Variants in RANBP1 observed in about 807,000 individuals in gnomAD.
RANBP1 encodes ran-specific GTPase-activating protein.
In RANBP1, 16 loss-of-function variants were observed where a neutral mutation model predicts 31.4. The observed-to-expected ratio is 0.51, with a 90% CI of 0.34 to 0.77. The LOEUF (loss-of-function observed/expected upper bound fraction) is 0.77, where lower values mean the gene tolerates loss of function less well. RANBP1 is among the 30% of genes least tolerant of loss of function. The pLI is 0.01. For missense variants in RANBP1, 265 were observed against 362.0 expected (o/e 0.73, Z 2.17); for synonymous variants, 129 against 140.5 (o/e 0.92, Z 0.58).
At chr22:20,116,680 T>C (rs2050033489) in intron 1 of RANBP1, 1 of 1,494,776 alleles carries the variant, frequency 6.7e-7, no homozygotes, top group African/African-American at 1.4e-5. Context: ...CCAAGCTTCC[T>C]TATGGGACAC....
chr22:20,118,951 T>C, intron 1 of RANBP1, 62 bp from the exon 2 acceptor site: 2 of 1,564,702 alleles, frequency 1.3e-6, no homozygotes, highest in Non-Finnish European at 1.7e-6. Flanking sequence ...CAGGCACTGG[T>C]TGGGCTCTGG....
chr22:20,122,244 CCT>C lies in RANBP1; in HGVS notation c.384-18_384-17del, dbSNP rs1568981782. On this transcript the variant is annotated intron_variant, in intron 2 of 5. Transcript: ENST00000430524. ...GTGGGCTGCAGGTCTGCACTCTTAA[CCT>C]CACGGCTTTTCTTGCAGGCGGGCAA... The C allele has an allele frequency of 6.2e-7, 1 of 1,611,290 alleles. No homozygotes were observed. Among genetic ancestry groups the C allele is most frequent in the South Asian group, 1.1e-5 (1 of 90,922 alleles).
Position 20,127,194 on chromosome 22 carries a change from GT to G in RANBP1, c.*154del, listed in dbSNP as rs143470990. 0.24 allele frequency: 104,038 copies of G among 437,756 alleles called. 5,754 individuals carry two copies. The highest frequency in any genetic ancestry group is 0.31 in the African/African-American group (14,412 of 46,298). 27.1% of individuals were successfully genotyped at this position (437,756 alleles called of 1,614,324 possible). ...AAGAACTGAACTCAACATTCAGGTT[GT>G]TTTTTTTTTTTGTTTCTAAGTTTTT... On this transcript the variant is annotated 3_prime_UTR_variant, in exon 6 of 6. Coordinates refer to ENST00000430524, the MANE Select transcript of RANBP1 (RefSeq NM_001278639.2).
Position 20,119,003 on chromosome 22 carries a change from A to T in RANBP1, c.247-10A>T, listed in dbSNP as rs747883517. ...TAGGCCAGCAGTGTAACCTCTTTGT[A>T]TCTCCACAGGACACTCATGAGGACC... On this transcript the variant is annotated splice_polypyrimidine_tract_variant and intron_variant, in intron 1 of 5. Coordinates refer to ENST00000430524, the MANE Select transcript of RANBP1 (RefSeq NM_001278639.2). 3 of 1,610,578 alleles carry T rather than the reference A, an allele frequency of 1.9e-6. No individual in the cohort carries two copies. Among genetic ancestry groups the T allele is most frequent in the Non-Finnish European group, 2.5e-6 (3 of 1,179,438 alleles).
At chr22:20,123,638 A>T (rs1437600939) in intron 3 of RANBP1, among the ~76,000 whole-genome samples, 2 of 151,932 alleles carry the variant, frequency 1.3e-5, no homozygotes, top group Non-Finnish European at 2.9e-5. Context: ...GGGGCTGAGA[A>T]GGTGGCCAGG....
rs759605332 is a variant in RANBP1 at position 20,116,327 on chromosome 22, TG to T, written c.145del (p.Val49PhefsTer17). On this transcript the variant is annotated frameshift_variant, in exon 1 of 6. Coordinates refer to ENST00000430524, the MANE Select transcript of RANBP1 (RefSeq NM_001278639.2). LOFTEE classifies it high-confidence loss of function. The part of the protein sequence containing the change: ...TKAQGGCPKS[L>X]VLWGCRPKRP... ...GCGCAGGGTGGTTGCCCAAAGAGTT[TG>T]GTTTTGTGGGGCTGCAGACCAAAGC... The T allele has an allele frequency of 6.2e-7, 1 of 1,612,868 alleles. No homozygotes were observed. The highest frequency in any genetic ancestry group is 8.5e-7 in the Non-Finnish European group (1 of 1,180,002).
intron 3 of RANBP1, chr22:20,122,650 G>A (rs1305235394): frequency 1.7e-5 from 25 of 1,492,720 alleles, no homozygotes; most frequent in Non-Finnish European, 2.0e-5. Flanking sequence ...TCAGCCAGAC[G>A]GGCCCTGATG....
chr22:20,122,721 TG>T (rs748635421), intron 3 of RANBP1: 9,045 of 875,168 alleles, frequency 0.01, 56 homozygotes, highest in Non-Finnish European at 0.012. Context: ...GGCGAGGGGG[TG>T]CTGTGTGTGT....
At position 20,125,312 on chromosome 22, in the gene RANBP1, G is replaced by A. The variant is rs751882133; in HGVS notation, c.546G>A (p.Thr182=). 9.3e-6 allele frequency: 15 copies of A among 1,611,476 alleles called. No homozygotes were observed. Among genetic ancestry groups the A allele is most frequent in the Non-Finnish European group, 1.2e-5 (14 of 1,179,840 alleles). Residue 182 remains threonine, a synonymous_variant, in exon 4 of 6, where the codon ACG becomes ACA. Coordinates refer to ENST00000430524, the MANE Select transcript of RANBP1 (RefSeq NM_001278639.2). ...TLKICANHYI[T]PMMELKPNAG... ...CACGAGCTTCTCTCTCTTCAGTCAC[G>A]CCGATGATGGAGCTGAAGCCCAACG... is the stretch of plus-strand genomic sequence containing the variant.
intron 4 of RANBP1, chr22:20,125,714 C>T: frequency 7.9e-7 from 1 of 1,271,916 alleles, no homozygotes; most frequent in Non-Finnish European, 1.0e-6. Flanking sequence ...GCTCTCCAAG[C>T]TCCGGTTCCC....
At chr22:20,116,822 G>A in intron 1 of RANBP1, 1 of 1,408,404 alleles carries the variant, frequency 7.1e-7, no homozygotes, top group Non-Finnish European at 9.7e-7. Flanking sequence ...CAGGTTTCCT[G>A]ACCCACCCCG....
At chr22:20,126,142 G>A (rs1291136592) in intron 4 of RANBP1, among the ~76,000 whole-genome samples, 161 bp from the exon 5 acceptor site, 2 of 152,244 alleles carry the variant, frequency 1.3e-5, no homozygotes, top group African/African-American at 4.8e-5. Context: ...TCAGATGAAG[G>A]AGACAGAAGG....
At chr22:20,126,153 C>A in intron 4 of RANBP1, 150 bp from the exon 5 acceptor site, 1 of 936,742 alleles carries the variant, frequency 1.1e-6, no homozygotes, top group Non-Finnish European at 1.6e-6. Context: ...AGACAGAAGG[C>A]CAGGGCCGAT....
At chr22:20,120,854 G>A (rs1222381196) in intron 2 of RANBP1, among the ~76,000 whole-genome samples, 1 of 152,178 alleles carries the variant, frequency 6.6e-6, no homozygotes, top group Non-Finnish European at 1.5e-5. Context: ...AAGATGACCT[G>A]GAGTTTTTTG....
At chr22:20,121,985 C>A (rs546729189) in intron 2 of RANBP1, among the ~76,000 whole-genome samples, 1 of 152,110 alleles carries the variant, frequency 6.6e-6, no homozygotes, top group Non-Finnish European at 1.5e-5. Context: ...ATGACCTGCC[C>A]GCCTCGGCCT....
chr22:20,119,016 ACTCATGAGGACC>A lies in RANBP1; in HGVS notation c.251_262del (p.Thr84_His88delinsAsn). On this transcript the variant is annotated inframe_deletion, in exon 2 of 6. Coordinates refer to ENST00000430524, the MANE Select transcript of RANBP1 (RefSeq NM_001278639.2). ...TAACCTCTTTGTATCTCCACAGGAC[ACTCATGAGGACC>A]ATGATACTTCCACTGAGAATACAGA... 6.2e-7 allele frequency: 1 copy of A among 1,612,122 alleles called. No homozygotes were observed. The highest frequency in any genetic ancestry group is 8.5e-7 in the Non-Finnish European group (1 of 1,179,790).
chr22:20,119,166 C>T lies in RANBP1; in HGVS notation c.383+17C>T, dbSNP rs770020309. ...TTTTAAAATGTAAGTAGGCTGATGT[C>T]CCAGAAATAGGACTCTTTAAGGTTG... On this transcript the variant is annotated intron_variant, in intron 2 of 5. Coordinates refer to ENST00000430524, the MANE Select transcript of RANBP1 (RefSeq NM_001278639.2). 6.2e-7 allele frequency: 1 copy of T among 1,608,404 alleles called. No individual in the cohort carries two copies. The highest frequency in any genetic ancestry group is 1.1e-5 in the South Asian group (1 of 90,924).
Position 20,117,471 on chromosome 22 carries a change from G to A in RANBP1, c.246+1041G>A. The A allele has an allele frequency of 5.8e-6, 7 of 1,203,618 alleles. No individual in the cohort carries two copies. In the South Asian group the frequency reaches 1.6e-4, roughly 27 times the overall value. 74.6% of individuals were successfully genotyped at this position (1,203,618 alleles called of 1,614,324 possible). On this transcript the variant is annotated intron_variant, in intron 1 of 5. Coordinates refer to ENST00000430524, the MANE Select transcript of RANBP1 (RefSeq NM_001278639.2). The stretch of plus-strand genomic sequence containing the variant: ...TAAAGCTGTACTGGTTTTGAATCGC[G>A]GCGCGTTTCCCGCCGCTGGGGTCAG...
chr22:20,116,625 A>C (rs763629111), intron 1 of RANBP1, 195 bp downstream of exon 1: 1 of 1,528,404 alleles, frequency 6.5e-7, no homozygotes, highest in African/African-American at 1.4e-5. Flanking sequence ...GTGTGGGGAC[A>C]GATGGGGTGC....
Sources: gnomAD v4.1 joint callset for allele counts (sites outside exome capture counted in the v4.1 genomes callset) on GRCh38, gnomAD v4.1.1 for gene constraint, MANE v1.5 for transcripts, NCBI Gene and HGNC (gene_info 2026-07-23, HGNC 2026-07-21) for gene names.